Variants in ZMYM3 observed in about 807,000 individuals in gnomAD.
ZMYM3 encodes the protein zinc finger MYM-type containing 3.
In ZMYM3, 6 loss-of-function variants were observed where a neutral mutation model predicts 94.2. The observed-to-expected ratio is 0.06, with a 90% confidence interval of 0.03 to 0.13. The LOEUF is 0.13. Among genes scored for constraint, ZMYM3 ranks in the 10% least tolerant of loss-of-function variants. The probability of loss-of-function intolerance (pLI) is 1.00; values close to 1 mark genes in which losing one functional copy is unlikely to be tolerated. For missense variants in ZMYM3, 664 were observed against 1,132.6 expected, an observed-to-expected ratio of 0.59 and a Z score of 5.94; for synonymous variants, 420 against 426.5, an observed-to-expected ratio of 0.98 and a Z score of 0.19.
rs2030015295 is a variant in ZMYM3 at position 71,243,082 on chromosome X, G to A, written c.3435C>T (p.Tyr1145=). 8.3e-7 allele frequency: 1 copy of A among 1,202,911 alleles called. No individual in the cohort carries two copies. Among genetic ancestry groups the A allele is most frequent in the African/African-American group, 1.8e-5 (1 of 57,033 alleles). Reference sequence around the variant, plus strand: ...TCACCATCCGGTTATTTTCCAGCAAGTACTGGGGAAAGAAAAACAGACACA... The same window carrying A: ...TCACCATCCGGTTATTTTCCAGCAAATACTGGGGAAAGAAAAACAGACACA... The part of the protein sequence containing the change: ...IYYLCLGIQQ[Y]LLENNRMVNI... The change falls in exon 22 of 25, where the codon TAC becomes TAT. Residue 1145 remains tyrosine, a splice_region_variant and synonymous_variant. Transcript: ENST00000314425.
At chrX:71,247,969 A>G (rs1187247614) in intron 11 of ZMYM3, 63 bp from the exon 12 acceptor site, 11 of 1,122,639 alleles carry the variant, frequency 9.8e-6, no homozygotes, top group Non-Finnish European at 1.2e-5. Flanking sequence ...AAGAGACCCA[A>G]CCTTTTCAAG....
At chrX:71,243,242 C>T (rs1569221563) in intron 21 of ZMYM3, among the ~76,000 whole-genome samples, 158 bp from the exon 22 acceptor site, 1 of 111,341 alleles carries the variant, frequency 9.0e-6, no homozygotes. Context: ...CCCAGGTATA[C>T]CCACAGCTCT....
chrX:71,252,100 A>G (rs1183053117), intron 2 of ZMYM3, among the ~76,000 whole-genome samples: 2 of 110,858 alleles, frequency 1.8e-5, no homozygotes, highest in African/African-American at 6.6e-5. Context: ...CCCCTATCAG[A>G]GACGCAATCC....
At chrX:71,251,128 C>G (rs2030446435) in intron 4 of ZMYM3, 50 bp downstream of exon 4, 1 of 1,180,282 alleles carries the variant, frequency 8.5e-7, no homozygotes, top group South Asian at 1.8e-5. Flanking sequence ...ACTTTCGGAC[C>G]TTTTCCACAC....
At chrX:71,241,933 T>C (rs1370978969) in intron 23 of ZMYM3, among the ~76,000 whole-genome samples, 4 of 111,477 alleles carry the variant, frequency 3.6e-5, no homozygotes, top group Non-Finnish European at 7.5e-5. Context: ...GCAAGTAAAC[T>C]GTCTTAAATG....
intron 19 of ZMYM3, 150 bp from the exon 20 acceptor site, chrX:71,244,620 G>A (rs1176321241): frequency 3.6e-6 from 3 of 841,273 alleles, no homozygotes; most frequent in Non-Finnish European, 5.0e-6. Context: ...GAACAGCTTT[G>A]ATGACCTTGT....
rs1020570931 is a variant in ZMYM3, at chrX:71,249,971, G to A, written c.1251+55C>T. The A allele has an allele frequency of 4.5e-6, 5 of 1,123,147 alleles. No individual in the cohort carries two copies. The African/African-American group carries it at 5.5e-5, about 12-fold the overall frequency. The allele number at this position is 1,123,147 out of a possible 1,213,427, so 92.6% of individuals were successfully genotyped here. ...GGACCCTGCAGCCCCAGGATGGGAG[G>A]GGCAGGTCAGGGCTGGCCAGGCTCT... On this transcript the variant is annotated intron_variant, in intron 6 of 24. Coordinates refer to ENST00000314425, the MANE Select transcript of ZMYM3 (RefSeq NM_201599.3).
intron 13 of ZMYM3, 74 bp from the exon 14 acceptor site, chrX:71,246,766 A>G: frequency 1.0e-6 from 1 of 998,948 alleles, no homozygotes; most frequent in Middle Eastern, 2.7e-4. Context: ...GTTCCAGGAG[A>G]GCTTCATTAA....
intron 5 of ZMYM3, 64 bp downstream of exon 5, chrX:71,250,368 C>T: frequency 1.8e-6 from 2 of 1,128,282 alleles, no homozygotes; most frequent in Admixed American, 2.9e-5. Context: ...CCAACAGTCT[C>T]TGTCTTACTC....
At chrX:71,252,400 C>T (rs752325519) in intron 2 of ZMYM3, among the ~76,000 whole-genome samples, 189 bp downstream of exon 2, 1 of 105,434 alleles carries the variant, frequency 9.5e-6, no homozygotes, top group African/African-American at 3.5e-5. Context: ...GTGCCCACCC[C>T]TACTTTCCTT....
chrX:71,249,631 C>T lies in ZMYM3; in HGVS notation c.1300G>A (p.Asp434Asn), dbSNP rs1315983707. ...GCCCGGAATTTGGAGAAGCAAGAAT[C>T]GCTGCAGAGCCGGTGTACCACGCTG... ...NGSVVHRLCSDSCFSKFRANK... is the reference protein window; with the variant it reads ...NGSVVHRLCSNSCFSKFRANK... The change falls in exon 7 of 25, where the codon GAT (aspartate) becomes AAT (asparagine). Residue 434 changes from aspartate to asparagine, a missense_variant. By Grantham distance (23) the Asp-to-Asn change is conservative. This residue lies in a region of ZMYM3 where 159 missense variants were observed against 313.0 expected (regional missense o/e 0.51). Transcript: ENST00000314425. 4 of 1,209,878 alleles carry T rather than the reference C, an allele frequency of 3.3e-6. No homozygotes were observed. In the African/African-American group the frequency reaches 5.2e-5, roughly 16 times the overall value.
Position 71,240,810 on chromosome X carries a change from A to C in ZMYM3, c.*106T>G. 9.3e-4 allele frequency: 666 copies of C among 712,520 alleles called. No individual in the cohort carries two copies. The highest frequency in any genetic ancestry group is 1.2e-3 in the Non-Finnish European group (587 of 470,836). The allele number at this position is 712,520 out of a possible 1,213,427, so 58.7% of individuals were successfully genotyped here. ...AATGGGTGAGCGGAAAGGAGCAGTCAGGGCCCTTCAGAATGAGTAGCATTG... is the reference window on the plus strand; with the variant it reads ...AATGGGTGAGCGGAAAGGAGCAGTCCGGGCCCTTCAGAATGAGTAGCATTG... On this transcript the variant is annotated 3_prime_UTR_variant, in exon 25 of 25. Transcript: ENST00000314425.
rs1161089004 is a variant in ZMYM3 at position 71,254,041 on chromosome X, T to C, written c.-32A>G. On this transcript the variant is annotated 5_prime_UTR_variant, in exon 1 of 25. Coordinates refer to ENST00000314425, the MANE Select transcript of ZMYM3 (RefSeq NM_201599.3). Reference sequence around the variant, plus strand: ...GCCCGACCCCTACCTGCGGCAGGGTTAGTGCAAAGGCTACAAGCCTAGAAC... The same window carrying C: ...GCCCGACCCCTACCTGCGGCAGGGTCAGTGCAAAGGCTACAAGCCTAGAAC... 1.8e-5 allele frequency: 2 copies of C among 110,003 alleles called. No individual in the cohort carries two copies. Among genetic ancestry groups the C allele is most frequent in the Non-Finnish European group, 3.8e-5 (2 of 52,526 alleles). The allele number at this position is 110,003 out of a possible 1,213,427, so 9.1% of individuals were successfully genotyped here.
intron 22 of ZMYM3, 64 bp downstream of exon 22, chrX:71,242,906 C>T: frequency 9.4e-7 from 1 of 1,068,178 alleles, no homozygotes; most frequent in East Asian, 3.0e-5. Flanking sequence ...GCACAGGACT[C>T]TCGGGATGGT....
chrX:71,250,915 G>T (rs2030431585), intron 4 of ZMYM3, among the ~76,000 whole-genome samples, 189 bp from the exon 5 acceptor site: 1 of 111,395 alleles, frequency 9.0e-6, no homozygotes, highest in Admixed American at 9.5e-5. Flanking sequence ...TCCCAGGGAG[G>T]GAAAGGGAGA....
At chrX:71,243,745 C>A (rs968181334) in intron 21 of ZMYM3, 84 bp downstream of exon 21, 1 of 1,139,348 alleles carries the variant, frequency 8.8e-7, no homozygotes. Context: ...CGTGAGCCAC[C>A]GTGCCTAACC....
At chrX:71,246,741 A>C in intron 13 of ZMYM3, 49 bp from the exon 14 acceptor site, 2 of 1,120,934 alleles carry the variant, frequency 1.8e-6, no homozygotes, top group Admixed American at 2.3e-5. Flanking sequence ...CTAGCTCTCC[A>C]TTTTCCTTAC....
At chrX:71,251,485 G>A (rs977575409) in intron 3 of ZMYM3, 73 bp downstream of exon 3, 4 of 1,117,613 alleles carry the variant, frequency 3.6e-6, no homozygotes, top group Non-Finnish European at 3.6e-6. Flanking sequence ...CAACATCTGG[G>A]AGGGAAAATG....
chrX:71,251,275 A>G, intron 3 of ZMYM3, 31 bp from the exon 4 acceptor site: 1 of 1,131,500 alleles, frequency 8.8e-7, no homozygotes, highest in Non-Finnish European at 1.2e-6. Flanking sequence ...AGGGGAGGAA[A>G]ACTGACACCC....
Sources: allele counts gnomAD v4.1 joint callset (sites outside exome capture counted in the v4.1 genomes callset), GRCh38; gene constraint gnomAD v4.1.1; regional missense constraint gnomAD v4.1.1; transcripts MANE v1.5; gene names NCBI Gene and HGNC (gene_info 2026-07-23, HGNC 2026-07-21).